The following YTHDF2 variants were observed in gnomAD, a reference collection of about 807,000 sequenced individuals.
YTHDF2 encodes YTH domain-containing family protein 2.
YTHDF2 carries 2 observed loss-of-function variants against 50.4 expected under a neutral mutation model. The observed-to-expected ratio is 0.04, with a 90% CI of 0.02 to 0.12. YTHDF2 has a LOEUF of 0.12. Among genes scored for constraint, YTHDF2 ranks in the 10% least tolerant of loss-of-function variants. YTHDF2 has a pLI of 1.00. For missense variants in YTHDF2, 483 were observed against 722.6 expected, an observed-to-expected ratio of 0.67 and a Z score of 3.80; for synonymous variants, 217 against 255.6, an observed-to-expected ratio of 0.85 and a Z score of 1.44.
At chr1:28,738,523 C>T (rs866648826) in intron 3 of YTHDF2, among the ~76,000 whole-genome samples, 185 bp downstream of exon 3, 1 of 152,300 alleles carries the variant, frequency 6.6e-6, no homozygotes, top group African/African-American at 2.4e-5. Context: ...CGGCTCGCTC[C>T]AACTTCCGCC....
In YTHDF2 at chr1:28,743,440, G is replaced by C. The variant is rs746948364; in HGVS notation, c.1170G>C (p.Glu390Asp). ...CTTCAGAACCCCACCCAGTGTTGGA[G>C]AAGCTTCGGTCCATTAATAACTATA... ...STPSEPHPVLEKLRSINNYNP... is the reference protein window; with the variant it reads ...STPSEPHPVLDKLRSINNYNP... Residue 390 changes from glutamate to aspartate, a missense_variant, in exon 4 of 5, where the codon GAG becomes GAC. Glu to Asp is a conservative substitution (Grantham distance 45, BLOSUM62 2). This residue lies in a region of YTHDF2 where 59 missense variants were observed against 168.9 expected (regional missense o/e 0.35). Coordinates refer to ENST00000373812, the MANE Select transcript of YTHDF2 (RefSeq NM_016258.3). The surrounding 1 kb of genome is among the most constrained non-coding windows in gnomAD (Gnocchi z 6.9). The C allele has an allele frequency of 6.2e-7, 1 of 1,614,198 alleles. No individual in the cohort carries two copies. Among genetic ancestry groups the C allele is most frequent in the Non-Finnish European group, 8.5e-7 (1 of 1,180,052 alleles).
At chr1:28,741,991 C>T (rs2087783452) in intron 3 of YTHDF2, among the ~76,000 whole-genome samples, 1 of 151,260 alleles carries the variant, frequency 6.6e-6, no homozygotes, top group South Asian at 2.1e-4. Flanking sequence ...ACCAAAATTT[C>T]TTATGATATA....
At chr1:28,765,347 A>G (rs1392561852) in intron 4 of YTHDF2, among the ~76,000 whole-genome samples, 6 of 152,068 alleles carry the variant, frequency 3.9e-5, no homozygotes, top group Non-Finnish European at 8.8e-5. Context: ...AATATAACTT[A>G]GTGCACCTAA....
In YTHDF2 at chr1:28,743,324, G is replaced by A. The variant is rs760829552; in HGVS notation, c.1054G>A (p.Val352Ile). The change falls in exon 4 of 5, where the codon GTA becomes ATA. Residue 352 changes from valine to isoleucine, a missense_variant. Coordinates refer to ENST00000373812, the MANE Select transcript of YTHDF2 (RefSeq NM_016258.3). This position sits in a 1 kb window ranked among gnomAD's most constrained non-coding sequence, Gnocchi z 6.9. Reference sequence around the variant, plus strand: ...ACAGGCAGCTCAGCCAACCCGCTGGGTAGCACCTCGGAACCGTGGCAGTGG... The same window carrying A: ...ACAGGCAGCTCAGCCAACCCGCTGGATAGCACCTCGGAACCGTGGCAGTGG... ...QQQAAQPTRW[V>I]APRNRGSGFG... 3 of 1,614,044 alleles carry A rather than the reference G, an allele frequency of 1.9e-6. No individual in the cohort carries two copies. The highest frequency in any genetic ancestry group is 2.5e-6 in the Non-Finnish European group (3 of 1,180,042).
At chr1:28,738,559 C>T (rs2087730368) in intron 3 of YTHDF2, among the ~76,000 whole-genome samples, 1 of 152,186 alleles carries the variant, frequency 6.6e-6, no homozygotes. Flanking sequence ...AATCTCCTGT[C>T]TCAGCCTCCC....
At chr1:28,752,388 C>T (rs2087969785) in intron 4 of YTHDF2, among the ~76,000 whole-genome samples, 1 of 152,106 alleles carries the variant, frequency 6.6e-6, no homozygotes, top group African/African-American at 2.4e-5. Context: ...CTGTGTCCTC[C>T]ACCTCCCGGG....
chr1:28,738,344 TAG>T lies in YTHDF2; in HGVS notation c.132+7_132+8del. 1 of 1,608,394 alleles carries T rather than the reference TAG, an allele frequency of 6.2e-7. No individual in the cohort carries two copies. The highest frequency in any genetic ancestry group is 1.7e-5 in the Admixed American group (1 of 59,970). Reference sequence around the variant, plus strand: ...TGAGTCCACAGGCAAGGCCCGTGAGTAGTTAACTATTTACATATCTAATCGAA... The same window carrying T: ...TGAGTCCACAGGCAAGGCCCGTGAGTTTAACTATTTACATATCTAATCGAA... On this transcript the variant is annotated splice_region_variant and intron_variant, in intron 3 of 4. Transcript: ENST00000373812.
chr1:28,756,806 C>A (rs997247448), intron 4 of YTHDF2, among the ~76,000 whole-genome samples: 1 of 149,688 alleles, frequency 6.7e-6, no homozygotes, highest in African/African-American at 2.6e-5. Flanking sequence ...TGCCTGCCTG[C>A]CTGCCTTTAA....
intron 4 of YTHDF2, among the ~76,000 whole-genome samples, chr1:28,745,481 C>T (rs956563146): frequency 6.6e-6 from 1 of 152,152 alleles, no homozygotes; most frequent in Non-Finnish European, 1.5e-5. Flanking sequence ...CGCCTATAAT[C>T]CCAGCACTTT....
chr1:28,749,880 G>A (rs2087923070), intron 4 of YTHDF2, among the ~76,000 whole-genome samples: 1 of 149,870 alleles, frequency 6.7e-6, no homozygotes, highest in Non-Finnish European at 1.5e-5. Context: ...AACAGTTTGA[G>A]TTTTAGTCTA....
chr1:28,753,011 C>T (rs1333165827), intron 4 of YTHDF2, among the ~76,000 whole-genome samples: 1 of 151,816 alleles, frequency 6.6e-6, no homozygotes, highest in Non-Finnish European at 1.5e-5. Flanking sequence ...TGCCACTGCA[C>T]CCCAGCCTGG....
At chr1:28,744,148 C>G (rs1314776663) in intron 4 of YTHDF2, among the ~76,000 whole-genome samples, 162 bp downstream of exon 4, 1 of 151,924 alleles carries the variant, frequency 6.6e-6, no homozygotes, top group African/African-American at 2.4e-5. Flanking sequence ...ATACTTGAAC[C>G]CTAATGTGAA....
intron 1 of YTHDF2, 25 bp downstream of exon 1, chr1:28,737,172 G>C: frequency 1.3e-6 from 2 of 1,569,090 alleles, no homozygotes; most frequent in South Asian, 1.2e-5. Flanking sequence ...CGCATGCCTC[G>C]GCCATTGTGT....
intron 4 of YTHDF2, among the ~76,000 whole-genome samples, chr1:28,765,211 C>T (rs1233947425): frequency 2.0e-5 from 3 of 152,004 alleles, no homozygotes; most frequent in African/African-American, 4.8e-5. Context: ...CCACCTTGCC[C>T]AGGCTGGTCT....
chr1:28,766,838 T>C (rs75322602), intron 4 of YTHDF2, among the ~76,000 whole-genome samples: 30 of 144,544 alleles, frequency 2.1e-4, no homozygotes, highest in African/African-American at 3.3e-4. Context: ...TTCCTTCTCT[T>C]TTTTTTTTTT....
rs570114533 is a variant in YTHDF2 at position 28,737,837 on chromosome 1, C to T, written c.52+155C>T. On this transcript the variant is annotated intron_variant, in intron 2 of 4. Coordinates refer to ENST00000373812, the MANE Select transcript of YTHDF2 (RefSeq NM_016258.3). ...AGTATTTTGACCCTTTCGGTGTGTT[C>T]TTGCAGCTGGCGAACAGCTTTTTCG... 6.0e-6 allele frequency: 5 copies of T among 838,612 alleles called. No individual in the cohort carries two copies. In the Admixed American group the frequency reaches 1.1e-4, roughly 19 times the overall value. The allele number at this position is 838,612 out of a possible 1,614,324, so 51.9% of individuals were successfully genotyped here.
At chr1:28,758,563 G>A (rs955301479) in intron 4 of YTHDF2, among the ~76,000 whole-genome samples, 2 of 152,130 alleles carry the variant, frequency 1.3e-5, no homozygotes, top group Admixed American at 1.3e-4. Context: ...ATGACCATTT[G>A]CTGAAGGTTG....
intron 4 of YTHDF2, among the ~76,000 whole-genome samples, chr1:28,749,072 A>G (rs1326641742): frequency 6.6e-6 from 1 of 151,504 alleles, no homozygotes; most frequent in African/African-American, 2.4e-5. Context: ...ATTTCTGTAT[A>G]TATTGCTACA....
rs377209833 is a variant in YTHDF2, at chr1:28,742,922, A to G, written c.652A>G (p.Ser218Gly). Residue 218 changes from serine (S) to glycine (G), a missense_variant, in exon 4 of 5, where the codon AGT becomes GGT. Physicochemically the swap from Ser to Gly is moderately conservative, Grantham distance 56. Transcript: ENST00000373812. ...TGCTGTTGGTAGCGGGTCCATTACT[A>G]GTAACATCGTGGCTTCCAATAGTTT... Reference protein sequence around the residue: ...GSAVGSGSITSNIVASNSLPP... With the variant: ...GSAVGSGSITGNIVASNSLPP... The G allele has an allele frequency of 5.0e-6, 8 of 1,614,068 alleles. No homozygotes were observed. The highest frequency in any genetic ancestry group is 2.7e-5 in the African/African-American group (2 of 74,916).
Sources: gnomAD v4.1 joint callset for allele counts (sites outside exome capture counted in the v4.1 genomes callset) on GRCh38, gnomAD v4.1.1 for gene constraint, gnomAD v4.1.1 regional missense constraint, Gnocchi (gnomAD v3.1) non-coding constraint, MANE v1.5 for transcripts, NCBI Gene and HGNC (gene_info 2026-07-23, HGNC 2026-07-21) for gene names.